Variants in FGF10 observed in about 807,000 individuals in gnomAD.
The protein encoded by FGF10 is fibroblast growth factor 10.
Under a neutral mutation model 19.8 loss-of-function variants are expected in FGF10, and 2 were observed. The observed-to-expected ratio is 0.10, with a 90% confidence interval of 0.04 to 0.32. The LOEUF is 0.32. FGF10 is among the 10% of genes least tolerant of loss of function. The pLI is 1.00. For missense variants in FGF10, 191 were observed against 246.3 expected (o/e 0.78, Z 1.50); for synonymous variants, 112 against 94.0 (o/e 1.19, Z -1.10).
At chr5:44,370,585 A>T (rs906762369) in intron 1 of FGF10, among the ~76,000 whole-genome samples, 3 of 152,092 alleles carry the variant, frequency 2.0e-5, no homozygotes, top group African/African-American at 7.2e-5. Context: ...AAGAGTGTTG[A>T]GGAGAAAAAG....
chr5:44,325,122 A>G (rs1346177382), intron 1 of FGF10, among the ~76,000 whole-genome samples: 1 of 152,218 alleles, frequency 6.6e-6, no homozygotes, highest in Non-Finnish European at 1.5e-5. Context: ...CAGCCAAAAG[A>G]CACATGAAAA....
At chr5:44,317,754 G>C (rs1740383115) in intron 1 of FGF10, among the ~76,000 whole-genome samples, 1 of 151,958 alleles carries the variant, frequency 6.6e-6, no homozygotes, top group Non-Finnish European at 1.5e-5. Context: ...CTCACTGGTA[G>C]AGATTTTTTA....
intron 1 of FGF10, among the ~76,000 whole-genome samples, chr5:44,311,023 T>A (rs2111690157): frequency 6.6e-6 from 1 of 152,194 alleles, no homozygotes; most frequent in Admixed American, 6.6e-5. Context: ...ATAATCTAAA[T>A]CTCTTGGCTA....
chr5:44,366,151 T>G (rs1379295984), intron 1 of FGF10, among the ~76,000 whole-genome samples: 2 of 137,642 alleles, frequency 1.5e-5, no homozygotes, highest in African/African-American at 5.4e-5. Flanking sequence ...TTTTTTTTTT[T>G]GCTGTTTTAC....
Position 44,351,680 on chromosome 5 carries a change from A to C in FGF10, c.325+36678T>G, listed in dbSNP as rs560490096. The stretch of plus-strand genomic sequence containing the variant: ...GAAGACTTCCAGATTACCTGTGACT[A>C]CTTTCTATACTAACATTTCTATTAA... On this transcript the variant is annotated intron_variant, in intron 1 of 2. Coordinates refer to ENST00000264664, the MANE Select transcript of FGF10 (RefSeq NM_004465.2). 7.8e-4 allele frequency among the ~76,000 whole-genome samples: 119 copies of C among 151,752 alleles called. 2 individuals carry two copies. Among genetic ancestry groups the C allele is most frequent in the African/African-American group, 2.7e-3 (112 of 41,486 alleles).
At position 44,388,632 on chromosome 5, in the gene FGF10, G is replaced by T; in HGVS notation, c.51C>A (p.Pro17=). ...ACAAAAAGCAGCAGCAGCAGCAGCCGGGCAGGTGGGGAAAGGCTGAGGCAC... is the reference window on the plus strand; with the variant it reads ...ACAAAAAGCAGCAGCAGCAGCAGCCTGGCAGGTGGGGAAAGGCTGAGGCAC... ...THCASAFPHL[P]GCCCCCFLLL... Residue 17 remains proline, a synonymous_variant, in exon 1 of 3, where the codon CCC becomes CCA. Coordinates refer to ENST00000264664, the MANE Select transcript of FGF10 (RefSeq NM_004465.2). 6.2e-7 allele frequency: 1 copy of T among 1,614,096 alleles called. No homozygotes were observed. The highest frequency in any genetic ancestry group is 8.5e-7 in the Non-Finnish European group (1 of 1,180,028).
chr5:44,350,721 C>T (rs1183466185), intron 1 of FGF10, among the ~76,000 whole-genome samples: 2 of 149,858 alleles, frequency 1.3e-5, no homozygotes, highest in Non-Finnish European at 1.5e-5. Flanking sequence ...ATGTTTTATT[C>T]TATCCATCAT....
rs77559708 is a variant in FGF10 at position 44,329,759 on chromosome 5, T to G, written c.326-19229A>C. 1.5e-4 allele frequency among the ~76,000 whole-genome samples: 23 copies of G among 152,294 alleles called. No homozygotes were observed. In the East Asian group the frequency reaches 4.5e-3, roughly 29 times the overall value. The stretch of plus-strand genomic sequence containing the variant: ...AACAGCTGTTTTAGGTGGCAAAATC[T>G]TGTCAAGCTAAAGCTCCCAACCCTT... On this transcript the variant is annotated intron_variant, in intron 1 of 2. Coordinates refer to ENST00000264664, the MANE Select transcript of FGF10 (RefSeq NM_004465.2).
At chr5:44,320,285 G>T (rs891015639) in intron 1 of FGF10, among the ~76,000 whole-genome samples, 7 of 152,164 alleles carry the variant, frequency 4.6e-5, no homozygotes, top group Admixed American at 6.5e-5. Context: ...TCAGAATCTA[G>T]CACTTAATTT....
intron 1 of FGF10, among the ~76,000 whole-genome samples, chr5:44,338,877 A>G (rs1185271768): frequency 3.3e-5 from 5 of 152,222 alleles, no homozygotes; most frequent in Non-Finnish European, 7.4e-5. Flanking sequence ...TTAATGTAGA[A>G]AAGCAAACTG....
Position 44,310,470 on chromosome 5 carries a change from T to A in FGF10, c.386A>T (p.Asn129Ile). 1 of 1,612,740 alleles carries A rather than the reference T, an allele frequency of 6.2e-7. No homozygotes were observed. The highest frequency in any genetic ancestry group is 8.5e-7 in the Non-Finnish European group (1 of 1,179,108). The change falls in exon 2 of 3, where the codon AAC (asparagine) becomes ATC (isoleucine). Residue 129 changes from asparagine to isoleucine, a missense_variant. Transcript: ENST00000264664. ...CTTCTTGTTCATGGCTAAGTAATAG[T>A]TGCTGTTAATGGCTTTGACGGCAAC... ...GVVAVKAINS[N>I]YYLAMNKKGK...
intron 1 of FGF10, among the ~76,000 whole-genome samples, chr5:44,379,506 G>T (rs752580402): frequency 6.6e-6 from 1 of 152,126 alleles, no homozygotes; most frequent in African/African-American, 2.4e-5. Context: ...TTCAAAGCCT[G>T]CTTTCACTCC....
intron 1 of FGF10, among the ~76,000 whole-genome samples, chr5:44,348,606 T>A (rs1376952722): frequency 2.0e-5 from 3 of 151,516 alleles, no homozygotes; most frequent in African/African-American, 7.3e-5. Context: ...TAGGAGCAGG[T>A]TCCTAGACTT....
intron 1 of FGF10, among the ~76,000 whole-genome samples, chr5:44,332,868 A>T (rs539712586): frequency 6.6e-6 from 1 of 152,234 alleles, no homozygotes; most frequent in South Asian, 2.1e-4. Context: ...AAGGAGGAGG[A>T]GGAGAGAAAA....
At chr5:44,315,780 A>G (rs946809762) in intron 1 of FGF10, among the ~76,000 whole-genome samples, 1 of 152,142 alleles carries the variant, frequency 6.6e-6, no homozygotes, top group Non-Finnish European at 1.5e-5. Context: ...CTAGCACAGA[A>G]GGACTTAGGG....
At position 44,389,023 on chromosome 5, in the gene FGF10, C is replaced by A. The variant is rs1411276407; in HGVS notation, c.-341G>T. 11 of 421,076 alleles carry A rather than the reference C, an allele frequency of 2.6e-5. No homozygotes were observed. The East Asian group carries it at 4.4e-4, about 17-fold the overall frequency. The allele number at this position is 421,076 out of a possible 1,614,324, so 26.1% of individuals were successfully genotyped here. ...AGGAGTTACTTTGTTCTCTTCTTTA[C>A]TCCTTTCTTCACCATGTTAGATGCC... is the stretch of plus-strand genomic sequence containing the variant. On this transcript the variant is annotated 5_prime_UTR_variant, in exon 1 of 3. Coordinates refer to ENST00000264664, the MANE Select transcript of FGF10 (RefSeq NM_004465.2).
chr5:44,320,619 A>G (rs1051964656), intron 1 of FGF10, among the ~76,000 whole-genome samples: 3 of 152,234 alleles, frequency 2.0e-5, no homozygotes, highest in Admixed American at 6.5e-5. Flanking sequence ...ATGACTGGCT[A>G]TCCAAAAAAG....
rs142044463 is a variant in FGF10 at position 44,329,479 on chromosome 5, C to A, written c.326-18949G>T. ...TGTGAGCCACCGTGCCTGGCCTAGT[C>A]TTTTCTATATTTGTAGAAGTAGATC... is the stretch of plus-strand genomic sequence containing the variant. On this transcript the variant is annotated intron_variant, in intron 1 of 2. Transcript: ENST00000264664. Among the ~76,000 whole-genome samples the A allele has an allele frequency of 1.4e-3, 220 of 152,176 alleles. 1 individual carries two copies. Among genetic ancestry groups the A allele is most frequent in the Non-Finnish European group, 2.7e-3 (185 of 67,988 alleles).
intron 1 of FGF10, among the ~76,000 whole-genome samples, chr5:44,373,415 A>G (rs1181963583): frequency 6.6e-6 from 1 of 152,172 alleles, no homozygotes; most frequent in Non-Finnish European, 1.5e-5. Flanking sequence ...GATTCTGCTT[A>G]ACAGTTCTTT....
Sources: allele counts gnomAD v4.1 joint callset (sites outside exome capture counted in the v4.1 genomes callset), GRCh38; gene constraint gnomAD v4.1.1; transcripts MANE v1.5; gene names NCBI Gene and HGNC (gene_info 2026-07-23, HGNC 2026-07-21).